DDX60L: variants seen among roughly 807,000 people sequenced by gnomAD.
The protein encoded by DDX60L is DExD/H-box 60 like, also known as probable ATP-dependent RNA helicase DDX60-like.
In DDX60L, 191 loss-of-function variants were observed where a neutral mutation model predicts 211.6. The ratio of observed to expected loss-of-function variants is 0.90; its 90% CI spans 0.80 to 1.02. The LOEUF (loss-of-function observed/expected upper bound fraction) is 1.02. Ranked by LOEUF, DDX60L falls within the 50% of genes least tolerant of loss-of-function variation. The probability of loss-of-function intolerance (pLI) is 0.00; values close to 1 mark genes in which losing one functional copy is unlikely to be tolerated. For missense variants in DDX60L, 2,007 were observed against 1,984.1 expected, an observed-to-expected ratio of 1.01 and a Z score of -0.22; for synonymous variants, 706 against 694.1, an observed-to-expected ratio of 1.02 and a Z score of -0.27.
chr4:168,477,206 G>T (rs978347897), intron 1 of DDX60L, among the ~76,000 whole-genome samples: 1 of 152,128 alleles, frequency 6.6e-6, no homozygotes, highest in South Asian at 2.1e-4. Context: ...ACAAGGTCAG[G>T]AGATCGAGAC....
chr4:168,465,894 G>C (rs562596096), intron 4 of DDX60L, among the ~76,000 whole-genome samples: 55 of 152,138 alleles, frequency 3.6e-4, no homozygotes, highest in Non-Finnish European at 6.2e-4. Flanking sequence ...TGGGTTACTA[G>C]AGCTTTGTGG....
At chr4:168,473,730 C>T (rs775921932) in intron 1 of DDX60L, among the ~76,000 whole-genome samples, 1 of 152,130 alleles carries the variant, frequency 6.6e-6, no homozygotes, top group Non-Finnish European at 1.5e-5. Context: ...TTATTAGTGA[C>T]TCTGGGTCAC....
At chr4:168,476,907 T>C (rs1759581458) in intron 1 of DDX60L, among the ~76,000 whole-genome samples, 1 of 152,108 alleles carries the variant, frequency 6.6e-6, no homozygotes, top group Non-Finnish European at 1.5e-5. Context: ...AAAAGTTAGG[T>C]GCAAAGAACA....
intron 36 of DDX60L, among the ~76,000 whole-genome samples, chr4:168,369,483 CAAAAA>C (rs113198591): frequency 1.7e-4 from 7 of 41,498 alleles, no homozygotes; most frequent in South Asian, 5.1e-4. Flanking sequence ...TTAAAAAAAA[CAAAAA>C]AAAAAAAACA....
chr4:168,453,956 A>T (rs1756168776), intron 7 of DDX60L, among the ~76,000 whole-genome samples: 1 of 152,150 alleles, frequency 6.6e-6, no homozygotes, highest in Non-Finnish European at 1.5e-5. Context: ...AGAGTAAAGG[A>T]GATTCAAATG....
At chr4:168,359,673 C>A (rs116281230) in intron 37 of DDX60L, among the ~76,000 whole-genome samples, 334 of 152,312 alleles carry the variant, frequency 2.2e-3, no homozygotes, top group African/African-American at 7.3e-3. Context: ...CGTACTCATC[C>A]TTAGAAACTC....
intron 10 of DDX60L, among the ~76,000 whole-genome samples, chr4:168,434,342 T>C (rs536388218): frequency 6.6e-6 from 1 of 152,320 alleles, no homozygotes; most frequent in East Asian, 1.9e-4. Flanking sequence ...TCCAAAGGCT[T>C]AGAGAGATTG....
chr4:168,441,546 A>C, intron 9 of DDX60L, 54 bp from the exon 10 acceptor site: 1 of 1,386,918 alleles, frequency 7.2e-7, no homozygotes, highest in Non-Finnish European at 9.9e-7. Flanking sequence ...ATGCAGACAC[A>C]CACAGAGCAT....
At chr4:168,473,248 C>T (rs1472706930) in intron 1 of DDX60L, among the ~76,000 whole-genome samples, 1 of 152,156 alleles carries the variant, frequency 6.6e-6, no homozygotes, top group Non-Finnish European at 1.5e-5. Context: ...TAAGGTGTTT[C>T]GTCTTCATCT....
chr4:168,437,382 C>T (rs887066617), intron 10 of DDX60L, among the ~76,000 whole-genome samples: 1 of 152,108 alleles, frequency 6.6e-6, no homozygotes, highest in African/African-American at 2.4e-5. Context: ...GAAAGTGATG[C>T]ATCTACAAGC....
At chr4:168,437,005 T>C (rs73863334) in intron 10 of DDX60L, among the ~76,000 whole-genome samples, 1 of 152,134 alleles carries the variant, frequency 6.6e-6, no homozygotes, top group Non-Finnish European at 1.5e-5. Context: ...ATACAGGAGA[T>C]CCCTTAAGGG....
intron 6 of DDX60L, among the ~76,000 whole-genome samples, chr4:168,457,409 T>C (rs1049507588): frequency 4.0e-5 from 6 of 151,244 alleles, no homozygotes; most frequent in East Asian, 1.9e-4. Context: ...TTTCCAAACT[T>C]TCTTATGCAA....
chr4:168,385,588 A>C (rs1447281392), intron 29 of DDX60L, among the ~76,000 whole-genome samples: 1 of 152,130 alleles, frequency 6.6e-6, no homozygotes, highest in East Asian at 1.9e-4. Flanking sequence ...AAGAGGAGGC[A>C]GTCTTGGGGA....
intron 25 of DDX60L, among the ~76,000 whole-genome samples, 155 bp from the exon 26 acceptor site, chr4:168,401,133 G>A (rs11940436): frequency 0.79 from 119,738 of 152,170 alleles, 48,520 homozygotes; most frequent in Middle Eastern, 0.9. Flanking sequence ...TTTAAGCCCC[G>A]ATGGGAAGTA....
At position 168,421,784 on chromosome 4, in the gene DDX60L, C is replaced by A. The variant is rs1305194289; in HGVS notation, c.2370G>T (p.Val790=). ...EKVLRESDVG[V]VVYVAPAKSL... is the part of the protein sequence containing the mutation. ...CCTTTGCGGGTGCAACGTACACAAC[C>A]ACCCCGACATCGCTCTCCCTCAGCA... Residue 790 remains valine, a synonymous_variant, in exon 17 of 38, where the codon GTG becomes GTT. Coordinates refer to ENST00000682922, the MANE Select transcript of DDX60L (RefSeq NM_001012967.3). The A allele has an allele frequency of 1.9e-6, 3 of 1,614,016 alleles. No individual in the cohort carries two copies. Among genetic ancestry groups the A allele is most frequent in the Non-Finnish European group, 2.5e-6 (3 of 1,180,022 alleles).
At chr4:168,432,891 T>A (rs1752556052) in intron 11 of DDX60L, 119 bp downstream of exon 11, 1 of 574,562 alleles carries the variant, frequency 1.7e-6, no homozygotes, top group East Asian at 2.9e-5. Context: ...TATAGTCACA[T>A]TATATAGAAT....
chr4:168,371,940 T>C (rs1416587993), intron 35 of DDX60L, among the ~76,000 whole-genome samples, 177 bp from the exon 36 acceptor site: 2 of 151,636 alleles, frequency 1.3e-5, no homozygotes, highest in Admixed American at 6.6e-5. Context: ...CCCATTACAG[T>C]GAGGGAAAGG....
Position 168,441,355 on chromosome 4 carries a change from C to T in DDX60L, c.1276G>A (p.Glu426Lys). ...TTAGTACCTTGAATGACCGATTTCT[C>T]TTGTCTAAGAAAATGTCTTCTTGTT... ...RTTRRHFLRQ[E>K]KSVIQEISLE... The change falls in exon 10 of 38, where the codon GAG becomes AAG. Residue 426 changes from glutamate (E) to lysine (K), a missense_variant. By Grantham distance (56) the Glu-to-Lys change is moderately conservative (BLOSUM62 1). Transcript: ENST00000682922. 2 of 1,607,910 alleles carry T rather than the reference C, an allele frequency of 1.2e-6. No homozygotes were observed. Among genetic ancestry groups the T allele is most frequent in the Admixed American group, 1.7e-5 (1 of 58,464 alleles).
chr4:168,407,138 T>C (rs17540220), intron 22 of DDX60L, among the ~76,000 whole-genome samples: 13,758 of 152,240 alleles, frequency 0.09, 793 homozygotes, highest in Non-Finnish European at 0.13. Flanking sequence ...GTGATGAAGA[T>C]GATTTTATGG....
Sources: allele counts gnomAD v4.1 joint callset (sites outside exome capture counted in the v4.1 genomes callset), GRCh38; gene constraint gnomAD v4.1.1; transcripts MANE v1.5; gene names NCBI Gene and HGNC (gene_info 2026-07-23, HGNC 2026-07-21).